The following DUT variants were observed in gnomAD, a reference collection of about 807,000 sequenced individuals.
DUT encodes deoxyuridine 5'-triphosphate nucleotidohydrolase, mitochondrial.
In DUT, 21 loss-of-function variants were observed where a neutral mutation model predicts 28.8. The observed-to-expected ratio is 0.73, with a 90% confidence interval of 0.52 to 1.05. The LOEUF is 1.05. Ranked by LOEUF, DUT falls within the 50% of genes least tolerant of loss-of-function variation. The pLI is 0.00. For synonymous variants in DUT, 147 were observed against 143.7 expected, an observed-to-expected ratio of 1.02 and a Z score of -0.17; for missense variants, 344 against 351.8, an observed-to-expected ratio of 0.98 and a Z score of 0.18.
intron 4 of DUT, among the ~76,000 whole-genome samples, chr15:48,338,233 T>G (rs1469215359): frequency 6.6e-6 from 1 of 152,074 alleles, no homozygotes; most frequent in Non-Finnish European, 1.5e-5. Context: ...CTGCCATACA[T>G]TTGAATTGAC....
Position 48,342,262 on chromosome 15 carries a change from G to GAAGT in DUT, c.*185_*188dup, listed in dbSNP as rs1479133046. ...AAAGATCATTAAAAAAAAACACAAAGAAGTTTTTCTTTGTGTTTGGATCAA... is the reference window on the plus strand; with the variant it reads ...AAAGATCATTAAAAAAAAACACAAAGAAGTAAGTTTTTCTTTGTGTTTGGATCAA... On this transcript the variant is annotated 3_prime_UTR_variant, in exon 7 of 7. Transcript: ENST00000331200. 2.7e-6 allele frequency: 1 copy of GAAGT among 371,786 alleles called. No homozygotes were observed. The highest frequency in any genetic ancestry group is 4.8e-6 in the Non-Finnish European group (1 of 209,650). 23.0% of individuals were successfully genotyped at this position (371,786 alleles called of 1,614,324 possible). A position where few individuals can be genotyped will look rare whatever the true frequency, so the allele number is the denominator to read the frequency against.
intron 2 of DUT, among the ~76,000 whole-genome samples, chr15:48,333,707 TC>T (rs1471574992): frequency 6.6e-6 from 1 of 152,198 alleles, no homozygotes; most frequent in African/African-American, 2.4e-5. Context: ...GGAATTCTGT[TC>T]CTAAGCAAGG....
intron 4 of DUT, among the ~76,000 whole-genome samples, chr15:48,340,463 A>C (rs889472762): frequency 6.6e-6 from 1 of 152,206 alleles, no homozygotes; most frequent in Non-Finnish European, 1.5e-5. Flanking sequence ...AATATAAAAA[A>C]ATGAAAAGGC....
chr15:48,331,869 G>A (rs2042416176), intron 1 of DUT, 74 bp downstream of exon 1: 3 of 1,122,710 alleles, frequency 2.7e-6, no homozygotes, highest in South Asian at 4.7e-5. Flanking sequence ...GGGAAGTAGG[G>A]TGGCGAGCGG....
intron 1 of DUT, 85 bp from the exon 2 acceptor site, chr15:48,332,183 C>A (rs974322674): frequency 3.4e-6 from 5 of 1,487,716 alleles, no homozygotes; most frequent in Non-Finnish European, 4.5e-6. Flanking sequence ...GGCGCGCTCC[C>A]TGCGGCGACG....
At chr15:48,332,640 C>G in intron 2 of DUT, 3 of 685,208 alleles carry the variant, frequency 4.4e-6, no homozygotes, top group Admixed American at 4.1e-5. Context: ...TACTTTGCAA[C>G]GTTTATTGTG....
At chr15:48,335,545 A>G (rs2042466617) in intron 3 of DUT, among the ~76,000 whole-genome samples, 1 of 152,032 alleles carries the variant, frequency 6.6e-6, no homozygotes, top group South Asian at 2.1e-4. Context: ...GTCTGCTACT[A>G]TTTGGTTAGG....
chr15:48,331,181 T>G, upstream of DUT: 1 of 1,517,364 alleles, frequency 6.6e-7, no homozygotes, highest in Non-Finnish European at 8.8e-7. Flanking sequence ...CTGCGGGCGG[T>G]GCCGCCCCAG....
At chr15:48,335,941 A>G in intron 3 of DUT, 105 bp from the exon 4 acceptor site, 1 of 830,736 alleles carries the variant, frequency 1.2e-6, no homozygotes, top group Non-Finnish European at 2.0e-6. Context: ...AGATGAAGAT[A>G]TAGATATTAT....
At position 48,341,249 on chromosome 15, in the gene DUT, A is replaced by G. The variant is rs748672244; in HGVS notation, c.557-40A>G. ...ATAATCTTACACCTCTAGTATTCCAATAGCAAAAATTGAGATAATATTACT... is the reference window on the plus strand; with the variant it reads ...ATAATCTTACACCTCTAGTATTCCAGTAGCAAAAATTGAGATAATATTACT... On this transcript the variant is annotated intron_variant, in intron 4 of 6. Coordinates refer to ENST00000331200, the MANE Select transcript of DUT (RefSeq NM_001025248.2). 2.9e-5 allele frequency: 38 copies of G among 1,300,332 alleles called. No homozygotes were observed. The East Asian group carries it at 7.9e-4, about 27-fold the overall frequency. 80.5% of individuals were successfully genotyped at this position (1,300,332 alleles called of 1,614,324 possible). A position where few individuals can be genotyped will look rare whatever the true frequency, so the allele number is the denominator to read the frequency against.
At chr15:48,339,850 G>T (rs925546661) in intron 4 of DUT, among the ~76,000 whole-genome samples, 1 of 152,132 alleles carries the variant, frequency 6.6e-6, no homozygotes, top group African/African-American at 2.4e-5. Context: ...AAGCACAGGG[G>T]TTCATTTAAA....
At chr15:48,333,323 A>G (rs1025312428) in intron 2 of DUT, among the ~76,000 whole-genome samples, 2 of 152,210 alleles carry the variant, frequency 1.3e-5, no homozygotes, top group Non-Finnish European at 2.9e-5. Context: ...TGGAAAAACT[A>G]CAGTCTCTTA....
intron 6 of DUT, 112 bp from the exon 7 acceptor site, chr15:48,341,910 G>C: frequency 1.2e-6 from 1 of 807,280 alleles, no homozygotes; most frequent in Non-Finnish European, 2.0e-6. Context: ...CTTTTGAAAA[G>C]ATGATATAGC....
At chr15:48,332,894 T>G (rs2042434256) in intron 2 of DUT, among the ~76,000 whole-genome samples, 1 of 152,236 alleles carries the variant, frequency 6.6e-6, no homozygotes, top group Admixed American at 6.5e-5. Context: ...CTACCACACT[T>G]TCATCTCTAC....
rs879263317 is a variant in DUT at position 48,342,282 on chromosome 15, G to T, written c.*204G>T. 6.8e-5 allele frequency: 23 copies of T among 338,848 alleles called. No homozygotes were observed. Among genetic ancestry groups the T allele is most frequent in the African/African-American group, 1.1e-4 (5 of 46,238 alleles). The allele number at this position is 338,848 out of a possible 1,614,324, so 21.0% of individuals were successfully genotyped here. On this transcript the variant is annotated 3_prime_UTR_variant, in exon 7 of 7. Coordinates refer to ENST00000331200, the MANE Select transcript of DUT (RefSeq NM_001025248.2). ...ACAAAGAAGTTTTTCTTTGTGTTTG[G>T]ATCAAAAAGAAACTTTGTTTTTCCG...
intron 4 of DUT, among the ~76,000 whole-genome samples, chr15:48,337,099 G>A (rs1381042810): frequency 6.6e-6 from 1 of 152,180 alleles, no homozygotes. Flanking sequence ...TGGGTGTGGT[G>A]TCTCTCCATA....
rs185186749 is a variant in DUT, at chr15:48,335,945, A to G, written c.512-101A>G. On this transcript the variant is annotated intron_variant, in intron 3 of 6. Coordinates refer to ENST00000331200, the MANE Select transcript of DUT (RefSeq NM_001025248.2). The stretch of plus-strand genomic sequence containing the variant: ...TGCTAAAGTTAAGATGAAGATATAG[A>G]TATTATAGGTGAAGAGAATGACATG... The G allele has an allele frequency of 4.3e-5, 37 of 859,426 alleles. No individual in the cohort carries two copies. In the East Asian group the frequency reaches 9.1e-4, roughly 21 times the overall value. 53.2% of individuals were successfully genotyped at this position (859,426 alleles called of 1,614,324 possible).
At chr15:48,334,648 C>G (rs2042455547) in intron 3 of DUT, 140 bp downstream of exon 3, 2 of 549,756 alleles carry the variant, frequency 3.6e-6, no homozygotes, top group Admixed American at 3.1e-5. Context: ...AGCAAATGCA[C>G]TCTTTGAAAG....
intron 3 of DUT, 43 bp downstream of exon 3, chr15:48,334,551 T>C (rs2042454471): frequency 7.2e-7 from 1 of 1,398,154 alleles, no homozygotes; most frequent in African/African-American, 1.4e-5. Context: ...CAAGTTCTCC[T>C]TTGTGATAGA....
Sources: allele counts gnomAD v4.1 joint callset (sites outside exome capture counted in the v4.1 genomes callset), GRCh38; gene constraint gnomAD v4.1.1; transcripts MANE v1.5; gene names NCBI Gene and HGNC (gene_info 2026-07-23, HGNC 2026-07-21).